CSMD1: variants seen among roughly 807,000 people sequenced by gnomAD.
CSMD1 encodes CUB and sushi domain-containing protein 1.
In CSMD1, 213 loss-of-function variants were observed where a neutral mutation model predicts 417.5. That is an observed-to-expected ratio of 0.51 (90% CI 0.46 to 0.57). The LOEUF (loss-of-function observed/expected upper bound fraction) is 0.57, where lower values mean the gene tolerates loss of function less well. Among genes scored for constraint, CSMD1 ranks in the 20% least tolerant of loss-of-function variants. The probability of loss-of-function intolerance (pLI) is 0.00; values close to 1 mark genes in which losing one functional copy is unlikely to be tolerated. For missense variants in CSMD1, 6,923 were observed against 4,529.7 expected, an observed-to-expected ratio of 1.53 and a Z score of -15.17; for synonymous variants, 2,862 against 1,736.8, an observed-to-expected ratio of 1.65 and a Z score of -16.11.
At chr8:4,659,003 C>T (rs1477967762) in intron 1 of CSMD1, among the ~76,000 whole-genome samples, 5 of 151,936 alleles carry the variant, frequency 3.3e-5, no homozygotes, top group Admixed American at 2.6e-4. Context: ...GAAAACAATA[C>T]ATAAAGGGAA....
intron 22 of CSMD1, among the ~76,000 whole-genome samples, chr8:3,346,062 A>G (rs1360289699): frequency 6.6e-6 from 1 of 152,208 alleles, no homozygotes; most frequent in Non-Finnish European, 1.5e-5. Context: ...GAACAGCATT[A>G]GGCTTGAAAA....
At chr8:4,625,586 C>T (rs1441465437) in intron 2 of CSMD1, among the ~76,000 whole-genome samples, 3 of 151,916 alleles carry the variant, frequency 2.0e-5, no homozygotes, top group East Asian at 1.9e-4. Flanking sequence ...CCTGTATACA[C>T]GAGCAAATAC....
rs780633682 is a variant in CSMD1 at position 3,199,745 on chromosome 8, G to C, written c.5163C>G (p.Ala1721=). Residue 1721 remains alanine (A), a synonymous_variant, in exon 33 of 70, where the codon GCC becomes GCG. Coordinates refer to ENST00000635120, the MANE Select transcript of CSMD1 (RefSeq NM_033225.6). ...ILLRFSAKSG[A]SARGFHFVYQ... is the part of the protein sequence containing the mutation. The stretch of plus-strand genomic sequence containing the variant: ...ACACGAAGTGGAAGCCGCGGGCAGA[G>C]GCACCGCTCTTTGCACTGAATCGGA... The C allele has an allele frequency of 3.8e-6, 6 of 1,589,456 alleles. No homozygotes were observed. In the African/African-American group the frequency reaches 4.0e-5, roughly 11 times the overall value.
intron 2 of CSMD1, among the ~76,000 whole-genome samples, chr8:4,476,176 C>T (rs1249320268): frequency 2.6e-5 from 4 of 151,890 alleles, no homozygotes; most frequent in Non-Finnish European, 4.4e-5. Context: ...ATATAGTTTG[C>T]TTCACCAGCA....
intron 1 of CSMD1, among the ~76,000 whole-genome samples, chr8:4,739,936 A>C (rs894987912): frequency 7.9e-5 from 12 of 152,062 alleles, no homozygotes; most frequent in African/African-American, 2.9e-4. Context: ...CTCTGCAGCA[A>C]CTTAAGCTCC....
chr8:4,017,611 C>T (rs977978542), intron 4 of CSMD1, among the ~76,000 whole-genome samples: 24 of 152,106 alleles, frequency 1.6e-4, no homozygotes, highest in African/African-American at 5.8e-4. Flanking sequence ...CAGCTGCCAC[C>T]TCGTTTATAA....
intron 5 of CSMD1, among the ~76,000 whole-genome samples, chr8:3,839,336 TATTA>T (rs1353018720): frequency 1.8e-4 from 21 of 115,020 alleles, no homozygotes; most frequent in African/African-American, 5.8e-4. Flanking sequence ...TTATATATAC[TATTA>T]ATTAGAATAT....
At chr8:3,810,497 G>A (rs978307275) in intron 5 of CSMD1, among the ~76,000 whole-genome samples, 11 of 152,136 alleles carry the variant, frequency 7.2e-5, no homozygotes, top group African/African-American at 2.2e-4. Flanking sequence ...GGGACCTGGG[G>A]CTGGTCATGG....
intron 3 of CSMD1, among the ~76,000 whole-genome samples, chr8:4,384,740 G>A (rs778472824): frequency 6.6e-6 from 1 of 152,130 alleles, no homozygotes; most frequent in South Asian, 2.1e-4. Context: ...GAGCAATGTT[G>A]TGCCACTTCA....
intron 3 of CSMD1, among the ~76,000 whole-genome samples, chr8:4,055,857 G>C (rs1413130889): frequency 2.0e-5 from 3 of 152,048 alleles, no homozygotes; most frequent in African/African-American, 4.8e-5. Context: ...TACTATGCCA[G>C]CTTATTTAAA....
In CSMD1 at chr8:4,851,460, A is replaced by G. The variant is rs1038476918; in HGVS notation, c.85+142872T>C. On this transcript the variant is annotated intron_variant, in intron 1 of 69. Coordinates refer to ENST00000635120, the MANE Select transcript of CSMD1 (RefSeq NM_033225.6). ...TTAAATTCTTCCCTTGTCAACCTCT[A>G]TTTTTTTTCTTTTTTGATATTTGAG... Among the ~76,000 whole-genome samples, 9 of 148,822 alleles carry G rather than the reference A, an allele frequency of 6.0e-5. No homozygotes were observed. In the East Asian group the frequency reaches 1.6e-3, roughly 26 times the overall value.
chr8:4,395,372 C>T (rs1026990714), intron 3 of CSMD1, among the ~76,000 whole-genome samples: 2 of 151,998 alleles, frequency 1.3e-5, no homozygotes, highest in African/African-American at 4.8e-5. Context: ...GGGAGTAGTC[C>T]CAATATCTGG....
chr8:4,313,040 T>C (rs982744759), intron 3 of CSMD1, among the ~76,000 whole-genome samples: 5 of 152,144 alleles, frequency 3.3e-5, no homozygotes, highest in East Asian at 1.9e-4. Context: ...TAAATTTCTA[T>C]AGAATAAACT....
At chr8:4,580,586 T>G (rs1234043159) in intron 2 of CSMD1, among the ~76,000 whole-genome samples, 2 of 152,144 alleles carry the variant, frequency 1.3e-5, no homozygotes, top group Non-Finnish European at 2.9e-5. Context: ...CTTTCTCCTC[T>G]TCCATCTCAC....
rs1047699395 is a variant in CSMD1, at chr8:4,032,009, T to A, written c.506A>T (p.Tyr169Phe). 1.9e-6 allele frequency: 3 copies of A among 1,613,964 alleles called. No individual in the cohort carries two copies. Among genetic ancestry groups the A allele is most frequent in the South Asian group, 1.1e-5 (1 of 91,088 alleles). Residue 169 changes from tyrosine (Y) to phenylalanine (F), a missense_variant, in exon 4 of 70, where the codon TAC becomes TTC. By Grantham distance (22) the Tyr-to-Phe change is conservative. Transcript: ENST00000635120. ...TRFNIGDKIR[Y>F]SCLPGYILEG... ...CAAGATGTAGCCAGGGAGGCAGCTG[T>A]ACCGGATTTTGTCTCCTATGTTGAA...
chr8:3,525,131 C>A (rs1797701661), intron 10 of CSMD1, among the ~76,000 whole-genome samples: 1 of 151,468 alleles, frequency 6.6e-6, no homozygotes, highest in Non-Finnish European at 1.5e-5. Flanking sequence ...AGGCTCAAGC[C>A]ACATACAGTG....
chr8:3,308,787 G>C (rs925539395), intron 23 of CSMD1, among the ~76,000 whole-genome samples: 2 of 140,990 alleles, frequency 1.4e-5, no homozygotes, highest in African/African-American at 5.3e-5. Flanking sequence ...GCAATGGCGT[G>C]ATCTTGCCTC....
At chr8:3,557,258 T>C (rs76163629) in intron 10 of CSMD1, among the ~76,000 whole-genome samples, 1 of 152,186 alleles carries the variant, frequency 6.6e-6, no homozygotes, top group Non-Finnish European at 1.5e-5. Context: ...ATATGTAGAT[T>C]TGTGGGATTC....
chr8:4,645,707 G>C (rs1166388542), intron 1 of CSMD1, among the ~76,000 whole-genome samples: 1 of 152,102 alleles, frequency 6.6e-6, no homozygotes, highest in East Asian at 1.9e-4. Flanking sequence ...TTTTACAAAG[G>C]AATATTTAGC....
Sources: gnomAD v4.1 joint callset for allele counts (sites outside exome capture counted in the v4.1 genomes callset) on GRCh38, gnomAD v4.1.1 for gene constraint, MANE v1.5 for transcripts, NCBI Gene and HGNC (gene_info 2026-07-23, HGNC 2026-07-21) for gene names.